Variants in SCNN1B observed in about 807,000 individuals in gnomAD.
SCNN1B encodes the protein sodium channel epithelial 1 subunit beta, also known as epithelial sodium channel subunit beta.
In SCNN1B, 46 loss-of-function variants were observed where a neutral mutation model predicts 65.3. The observed-to-expected ratio is 0.70, with a 90% confidence interval of 0.56 to 0.90. The LOEUF is 0.90. Among genes scored for constraint, SCNN1B ranks in the 40% least tolerant of loss-of-function variants. SCNN1B has a pLI of 0.00. For missense variants in SCNN1B, 751 were observed against 830.5 expected (o/e 0.90, Z 1.18); for synonymous variants, 349 against 330.6 (o/e 1.06, Z -0.60).
chr16:23,341,432 C>T (rs757008025), intron 1 of SCNN1B, among the ~76,000 whole-genome samples: 6 of 151,870 alleles, frequency 4.0e-5, no homozygotes, highest in Admixed American at 1.3e-4. Flanking sequence ...AAAGCACACA[C>T]GCAAAAAAGA....
Position 23,378,686 on chromosome 16 carries a change from A to G in SCNN1B, c.1405-20A>G, listed in dbSNP as rs377036567. On this transcript the variant is annotated intron_variant, in intron 10 of 12. Coordinates refer to ENST00000343070, the MANE Select transcript of SCNN1B (RefSeq NM_000336.3). Reference sequence around the variant, plus strand: ...GATGCTGCAGATGGCAACTTTTGCAACCACCTTCTTGGGTTCCAGGACTGG... The same window carrying G: ...GATGCTGCAGATGGCAACTTTTGCAGCCACCTTCTTGGGTTCCAGGACTGG... 8.1e-6 allele frequency: 13 copies of G among 1,613,858 alleles called. No individual in the cohort carries two copies. Among genetic ancestry groups the G allele is most frequent in the Non-Finnish European group, 1.1e-5 (13 of 1,179,888 alleles).
intron 1 of SCNN1B, among the ~76,000 whole-genome samples, chr16:23,326,464 T>G (rs548166351): frequency 1.3e-5 from 2 of 152,228 alleles, no homozygotes; most frequent in South Asian, 4.2e-4. Flanking sequence ...GTTTTTTGTT[T>G]TGTTTCTTTG....
chr16:23,371,312 C>T lies in SCNN1B; in HGVS notation c.894C>T (p.Ile298=), dbSNP rs776303951. ...NPGTEFGLKL[I]LDIGQEDYVP... ...CCCTCCCCACAGGCCTGAAGTTGAT[C>T]CTGGACATAGGCCAGGAAGACTACG... Residue 298 remains isoleucine, a synonymous_variant, in exon 6 of 13, where the codon ATC becomes ATT. Transcript: ENST00000343070. 8 of 1,613,926 alleles carry T rather than the reference C, an allele frequency of 5.0e-6. No homozygotes were observed. Among genetic ancestry groups the T allele is most frequent in the Non-Finnish European group, 8.5e-7 (1 of 1,179,972 alleles).
Position 23,375,857 on chromosome 16 carries a change from T to C in SCNN1B, c.1270+2T>C. The C allele has an allele frequency of 6.3e-7, 1 of 1,593,176 alleles. No individual in the cohort carries two copies. Among genetic ancestry groups the C allele is most frequent in the Non-Finnish European group, 8.6e-7 (1 of 1,160,946 alleles). Reference sequence around the variant, plus strand: ...ACAACCGGGACTTCCCAGACTGGGGTGAGCGGGGGCACGGGGGATCGGCAC... The same window carrying C: ...ACAACCGGGACTTCCCAGACTGGGGCGAGCGGGGGCACGGGGGATCGGCAC... On this transcript the variant is annotated splice_donor_variant, in intron 8 of 12. Coordinates refer to ENST00000343070, the MANE Select transcript of SCNN1B (RefSeq NM_000336.3). LOFTEE classifies it high-confidence loss of function.
intron 11 of SCNN1B, among the ~76,000 whole-genome samples, chr16:23,379,724 T>C (rs373420227): frequency 1.3e-5 from 2 of 152,060 alleles, no homozygotes; most frequent in African/African-American, 2.4e-5. Context: ...GAGCAGATCT[T>C]TGGGGCTGTC....
rs1463511434 is a variant in SCNN1B, at chr16:23,377,336, C to T, written c.1354C>T (p.Gln452Ter). The change falls in exon 10 of 13, where the codon CAG (glutamine) becomes TAG (stop). Residue 452 changes from glutamine (Q) to a stop codon, truncating the protein, a stop_gained. Transcript: ENST00000343070. LOFTEE classifies it high-confidence loss of function. ...GMCKESCNDTQYKMTISMADW... is the reference protein window; with the variant it reads ...GMCKESCNDT ...CCTGGCCTTCTCTTTCAGTGACACC[C>T]AGTACAAGATGACCATCTCCATGGC... 1 of 1,614,194 alleles carries T rather than the reference C, an allele frequency of 6.2e-7. No individual in the cohort carries two copies. The highest frequency in any genetic ancestry group is 1.1e-5 in the South Asian group (1 of 91,078).
chr16:23,377,613 TCTTC>T (rs761024981), intron 10 of SCNN1B, among the ~76,000 whole-genome samples: 4 of 93,276 alleles, frequency 4.3e-5, no homozygotes, highest in African/African-American at 1.7e-4. Context: ...CTTCCTTCTT[TCTTC>T]CTTCCTTCAT....
chr16:23,349,986 G>A (rs917716308), intron 2 of SCNN1B, among the ~76,000 whole-genome samples: 2 of 151,814 alleles, frequency 1.3e-5, no homozygotes, highest in Admixed American at 6.6e-5. Context: ...GCTGAGGCAC[G>A]AGAATTGCTT....
chr16:23,347,750 A>T (rs1412705438), intron 1 of SCNN1B, among the ~76,000 whole-genome samples: 1 of 152,148 alleles, frequency 6.6e-6, no homozygotes, highest in Non-Finnish European at 1.5e-5. Flanking sequence ...TCCACTAAAA[A>T]TACAAAAATT....
chr16:23,315,276 G>T (rs1961429256), intron 1 of SCNN1B, among the ~76,000 whole-genome samples: 1 of 152,066 alleles, frequency 6.6e-6, no homozygotes, highest in Non-Finnish European at 1.5e-5. Context: ...GGCAGAGGTT[G>T]CAGTGAGCCA....
Position 23,371,450 on chromosome 16 carries a change from C to T in SCNN1B, c.1032C>T (p.Ile344=), listed in dbSNP as rs148438164. 2.9e-4 allele frequency: 471 copies of T among 1,613,720 alleles called. No homozygotes were observed. The highest frequency in any genetic ancestry group is 3.7e-4 in the Non-Finnish European group (438 of 1,179,996). ...IYAMSGTETS[I]GVLVDKLQRM... is the part of the protein sequence containing the mutation. ...CCATGTCGGGGACAGAGACGTCCAT[C>T]GGGGTACTCGTGGTATGGCCGGAGC... The change falls in exon 6 of 13, where the codon ATC becomes ATT. Residue 344 remains isoleucine (I), a synonymous_variant. Coordinates refer to ENST00000343070, the MANE Select transcript of SCNN1B (RefSeq NM_000336.3).
At chr16:23,325,922 T>TAAATAAATAAATAAATAAATAA (rs59140961) in intron 1 of SCNN1B, among the ~76,000 whole-genome samples, 4 of 147,632 alleles carry the variant, frequency 2.7e-5, no homozygotes, top group Non-Finnish European at 4.5e-5. Context: ...AATAAATAAA[T>TAAATAAATAAATAAATAAATAA]ATAAATAAAA....
chr16:23,325,747 G>T (rs1246327875), intron 1 of SCNN1B, among the ~76,000 whole-genome samples: 1 of 151,868 alleles, frequency 6.6e-6, no homozygotes, highest in Non-Finnish European at 1.5e-5. Flanking sequence ...TTACACCAGG[G>T]TTGTACCTAA....
Position 23,377,383 on chromosome 16 carries a change from C to A in SCNN1B, c.1401C>A (p.Ser467=). The A allele has an allele frequency of 6.2e-7, 1 of 1,614,076 alleles. No homozygotes were observed. Among genetic ancestry groups the A allele is most frequent in the East Asian group, 2.2e-5 (1 of 44,874 alleles). ...TGGCTGACTGGCCTTCTGAGGCCTCCGAGGTGAGACAGTTGGGGGCCAAGC... is the reference window on the plus strand; with the variant it reads ...TGGCTGACTGGCCTTCTGAGGCCTCAGAGGTGAGACAGTTGGGGGCCAAGC... The part of the protein sequence containing the change: ...ISMADWPSEA[S]EDWIFHVLSQ... The change falls in exon 10 of 13, where the codon TCC becomes TCA. Residue 467 remains serine, a synonymous_variant. Transcript: ENST00000343070.
intron 1 of SCNN1B, among the ~76,000 whole-genome samples, chr16:23,337,374 CTTTTT>C (rs11455298): frequency 3.0e-5 from 4 of 134,110 alleles, no homozygotes; most frequent in Non-Finnish European, 4.7e-5. Context: ...CTCTTTCTTT[CTTTTT>C]TTTTTTTTTT....
At chr16:23,313,965 C>A (rs1478058106) in intron 1 of SCNN1B, among the ~76,000 whole-genome samples, 4 of 152,060 alleles carry the variant, frequency 2.6e-5, no homozygotes, top group Non-Finnish European at 4.4e-5. Context: ...TCATTGAATT[C>A]TTTCAGCAAC....
chr16:23,368,392 A>C (rs1364577928), intron 5 of SCNN1B, among the ~76,000 whole-genome samples: 2 of 152,002 alleles, frequency 1.3e-5, no homozygotes, highest in Non-Finnish European at 2.9e-5. Flanking sequence ...AAATACAAAA[A>C]TTAGCGAGGC....
At chr16:23,356,770 A>G (rs1028586901) in intron 4 of SCNN1B, among the ~76,000 whole-genome samples, 5 of 152,242 alleles carry the variant, frequency 3.3e-5, no homozygotes, top group Admixed American at 2.6e-4. Flanking sequence ...CTTGCAATTG[A>G]CCCACAGATT....
intron 2 of SCNN1B, among the ~76,000 whole-genome samples, chr16:23,289,554 G>GA (rs1244437717): frequency 5.4e-4 from 70 of 128,828 alleles, no homozygotes; most frequent in Middle Eastern, 4.2e-3. Context: ...CTATCTCAAA[G>GA]AAAAAAAAAA....
Sources: allele counts gnomAD v4.1 joint callset (sites outside exome capture counted in the v4.1 genomes callset), GRCh38; gene constraint gnomAD v4.1.1; transcripts MANE v1.5; gene names NCBI Gene and HGNC (gene_info 2026-07-23, HGNC 2026-07-21).